The following KNDC1 variants were observed in gnomAD, a reference collection of about 807,000 sequenced individuals.
KNDC1 encodes kinase non-catalytic C-lobe domain-containing protein 1.
In KNDC1, 106 loss-of-function variants were observed where a neutral mutation model predicts 172.8. The ratio of observed to expected loss-of-function variants is 0.61; its 90% confidence interval spans 0.52 to 0.72. KNDC1 has a LOEUF of 0.72. KNDC1 is among the 30% of genes least tolerant of loss of function. The probability of loss-of-function intolerance (pLI) is 0.00; values close to 1 mark genes in which losing one functional copy is unlikely to be tolerated. For synonymous variants in KNDC1, 1,083 were observed against 1,062.2 expected (o/e 1.02, Z -0.38); for missense variants, 2,325 against 2,394.5 (o/e 0.97, Z 0.61).
Position 133,208,547 on chromosome 10 carries a change from C to T in KNDC1, c.3794+1196C>T, listed in dbSNP as rs1183454152. On this transcript the variant is annotated intron_variant, in intron 20 of 29. Transcript: ENST00000304613. ...GAGAGGGACGTGGCCCCCCCAACCC[C>T]GTTACCCCAAGGACCCTCTAGAGAG... Among the ~76,000 whole-genome samples, 26 of 103,796 alleles carry T rather than the reference C, an allele frequency of 2.5e-4. 1 individual carries two copies. In the South Asian group the frequency reaches 3.4e-3, roughly 13 times the overall value. 68.1% of individuals were successfully genotyped at this position (103,796 alleles called of 152,430 possible). A position where few individuals can be genotyped will look rare whatever the true frequency, so the allele number is the denominator to read the frequency against.
In KNDC1 at chr10:133,186,053, TGACCCGGAGGTTCTGCCGACCCCCGAA is replaced by T; in HGVS notation, c.707_733del (p.Asp236_Glu244del). ...GGAGGCCGCCCGGGGACCCCAGCAC[TGACCCGGAGGTTCTGCCGACCCCCGAA>T]GGCCCGGAGTCTGAGACGAGCCGGG... On this transcript the variant is annotated inframe_deletion, in exon 6 of 30. Coordinates refer to ENST00000304613, the MANE Select transcript of KNDC1 (RefSeq NM_152643.8). 2 of 1,599,804 alleles carry T rather than the reference TGACCCGGAGGTTCTGCCGACCCCCGAA, an allele frequency of 1.3e-6. No homozygotes were observed. The highest frequency in any genetic ancestry group is 1.7e-6 in the Non-Finnish European group (2 of 1,174,714).
At chr10:133,184,020 T>TCTTG (rs138319019) in intron 5 of KNDC1, 31 bp downstream of exon 5, 618,084 of 1,321,636 alleles carry the variant, frequency 0.47, 151,683 homozygotes, top group South Asian at 0.63. Flanking sequence ...ACGTGCATCC[T>TCTTG]CATGCACATA....
chr10:133,213,442 G>A (rs1845412236), intron 24 of KNDC1, among the ~76,000 whole-genome samples: 1 of 152,220 alleles, frequency 6.6e-6, no homozygotes, highest in South Asian at 2.1e-4. Context: ...CTGTCACGAG[G>A]GCTGCCCCGG....
At chr10:133,175,249 G>A (rs1335890482) in intron 3 of KNDC1, among the ~76,000 whole-genome samples, 1 of 151,508 alleles carries the variant, frequency 6.6e-6, no homozygotes, top group African/African-American at 2.4e-5. Context: ...ATGGATGGGT[G>A]GGTGGATAGA....
In KNDC1 at chr10:133,195,735, G is replaced by A. The variant is rs149716790; in HGVS notation, c.1648G>A (p.Ala550Thr). ...KFSVPRNHKLALPRRLKTLLL... is the reference protein window; with the variant it reads ...KFSVPRNHKLTLPRRLKTLLL... Reference sequence around the variant, plus strand: ...CAGCGTCCCCCGCAACCACAAGCTGGCCCTGCCACGCAGGCTCAAGACCCT... The same window carrying A: ...CAGCGTCCCCCGCAACCACAAGCTGACCCTGCCACGCAGGCTCAAGACCCT... The change falls in exon 10 of 30, where the codon GCC becomes ACC. Residue 550 changes from alanine to threonine, a missense_variant. Coordinates refer to ENST00000304613, the MANE Select transcript of KNDC1 (RefSeq NM_152643.8). The A allele has an allele frequency of 6.2e-7, 1 of 1,611,868 alleles. No homozygotes were observed. The highest frequency in any genetic ancestry group is 8.5e-7 in the Non-Finnish European group (1 of 1,179,502).
At chr10:133,211,140 G>A (rs773832495) in intron 21 of KNDC1, among the ~76,000 whole-genome samples, 24 of 152,016 alleles carry the variant, frequency 1.6e-4, no homozygotes, top group Non-Finnish European at 2.9e-4. Context: ...GGGGTGGTGG[G>A]CTGAGGGGGG....
At chr10:133,212,679 G>T in intron 23 of KNDC1, 37 bp from the exon 24 acceptor site, 1 of 1,581,258 alleles carries the variant, frequency 6.3e-7, no homozygotes. Context: ...GAGGGGACAC[G>T]GAGCTTAGGC....
At chr10:133,193,114 C>G (rs1854104820) in intron 9 of KNDC1, among the ~76,000 whole-genome samples, 1 of 152,060 alleles carries the variant, frequency 6.6e-6, no homozygotes, top group Non-Finnish European at 1.5e-5. Flanking sequence ...GGGGGGAAAA[C>G]AGTTCAGATG....
At position 133,183,987 on chromosome 10, in the gene KNDC1, AG is replaced by A; in HGVS notation, c.625+1del. On this transcript the variant is annotated frameshift_variant and splice_region_variant, in exon 5 of 30. Transcript: ENST00000304613. LOFTEE classifies it high-confidence loss of function. ...VLSIESFGAL[Q>X]DVSESSWRER... Reference sequence around the variant, plus strand: ...TCCATCGAGTCCTTCGGAGCGCTGCAGGGTGAGTTCTTGAACCCACACACGT... The same window carrying A: ...TCCATCGAGTCCTTCGGAGCGCTGCAGGTGAGTTCTTGAACCCACACACGT... The A allele has an allele frequency of 6.4e-7, 1 of 1,563,554 alleles. No homozygotes were observed. Among genetic ancestry groups the A allele is most frequent in the Non-Finnish European group, 8.7e-7 (1 of 1,146,782 alleles).
rs1564882258 is a variant in KNDC1 at position 133,183,487 on chromosome 10, T to A, written c.504T>A (p.Leu168=). ...QAEDPGDRPD[L]ESIIALCEEK... ...AGGACCCCGGGGACCGGCCGGACCT[T>A]GAGGTAAGCGAGGCTGCCCTGGGCC... The change falls in exon 4 of 30, where the codon CTT becomes CTA. Residue 168 remains leucine (L), a synonymous_variant. Transcript: ENST00000304613. 1.2e-6 allele frequency: 2 copies of A among 1,600,388 alleles called. No individual in the cohort carries two copies. The highest frequency in any genetic ancestry group is 8.5e-7 in the Non-Finnish European group (1 of 1,176,322).
At chr10:133,205,192 G>A (rs900212782) in intron 17 of KNDC1, among the ~76,000 whole-genome samples, 1 of 152,166 alleles carries the variant, frequency 6.6e-6, no homozygotes, top group Non-Finnish European at 1.5e-5. Context: ...TGCCTGTCCC[G>A]TAGGACAGAA....
At chr10:133,194,864 C>T (rs1031050736) in intron 9 of KNDC1, among the ~76,000 whole-genome samples, 9 of 152,222 alleles carry the variant, frequency 5.9e-5, no homozygotes, top group African/African-American at 2.2e-4. Context: ...TGTGGCCGCT[C>T]CCTTGAGAAT....
chr10:133,200,869 G>A (rs1246458694), intron 16 of KNDC1, among the ~76,000 whole-genome samples: 1 of 152,204 alleles, frequency 6.6e-6, no homozygotes, highest in African/African-American at 2.4e-5. Context: ...AAGTGGGCTT[G>A]TTAGCCCCAG....
chr10:133,167,950 C>T (rs1016466498), intron 2 of KNDC1, among the ~76,000 whole-genome samples: 8 of 152,244 alleles, frequency 5.3e-5, no homozygotes, highest in African/African-American at 1.7e-4. Context: ...ACGCCCCTGC[C>T]TCCGTGGGTC....
rs1410169687 is a variant in KNDC1 at position 133,224,379 on chromosome 10, G to C, written c.5019-280G>C. Among the ~76,000 whole-genome samples, 1 of 152,162 alleles carries C rather than the reference G, an allele frequency of 6.6e-6. No homozygotes were observed. Among genetic ancestry groups the C allele is most frequent in the Non-Finnish European group, 1.5e-5 (1 of 68,042 alleles). ...GCAGCCCCTGCGGCAGACTGGGCTT[G>C]ACTCTTCTTGGGACGCTCAGCAGGG... On this transcript the variant is annotated intron_variant, in intron 29 of 29. Transcript: ENST00000304613. The surrounding 1 kb of genome is among the most constrained non-coding windows in gnomAD (Gnocchi z 5.4).
chr10:133,199,324 G>A, intron 14 of KNDC1, 58 bp downstream of exon 14: 1 of 1,548,214 alleles, frequency 6.5e-7, no homozygotes, highest in African/African-American at 1.4e-5. Context: ...GCCCCACAGG[G>A]GACTCGGGGC....
chr10:133,220,583 G>A (rs1411379003), intron 29 of KNDC1, among the ~76,000 whole-genome samples: 1 of 18,594 alleles, frequency 5.4e-5, no homozygotes, highest in African/African-American at 1.6e-4. Flanking sequence ...TCAGGCGGGC[G>A]CGCGCCCAGG....
At chr10:133,169,879 C>T (rs1180603145) in intron 3 of KNDC1, among the ~76,000 whole-genome samples, 2 of 152,246 alleles carry the variant, frequency 1.3e-5, no homozygotes, top group African/African-American at 2.4e-5. Flanking sequence ...CAGCCCAGGC[C>T]GTGCCCGGTC....
chr10:133,206,631 T>A, intron 17 of KNDC1, 54 bp from the exon 18 acceptor site: 1 of 1,466,556 alleles, frequency 6.8e-7, no homozygotes, highest in East Asian at 2.3e-5. Flanking sequence ...GCCCTGGATG[T>A]GGCTGACGTG....
Sources: gnomAD v4.1 joint callset for allele counts (sites outside exome capture counted in the v4.1 genomes callset) on GRCh38, gnomAD v4.1.1 for gene constraint, Gnocchi (gnomAD v3.1) non-coding constraint, MANE v1.5 for transcripts, NCBI Gene and HGNC (gene_info 2026-07-23, HGNC 2026-07-21) for gene names.